Variants in TNRC6A observed in about 807,000 individuals in gnomAD.
The protein encoded by TNRC6A is trinucleotide repeat containing adaptor 6A.
TNRC6A carries 44 observed loss-of-function variants against 221.2 expected under a neutral mutation model. The observed-to-expected ratio is 0.20, with a 90% CI of 0.16 to 0.26. The LOEUF is 0.26. TNRC6A is among the 10% of genes least tolerant of loss of function. The pLI, the probability that TNRC6A is intolerant of heterozygous loss-of-function variation, is 1.00. For synonymous variants in TNRC6A, 847 were observed against 838.5 expected (o/e 1.01, Z -0.18); for missense variants, 2,199 against 2,404.4 (o/e 0.91, Z 1.79).
chr16:24,622,711 G>A (rs988337978), intron 1 of TNRC6A, among the ~76,000 whole-genome samples: 1 of 152,154 alleles, frequency 6.6e-6, no homozygotes, highest in Admixed American at 6.6e-5. Flanking sequence ...CAAACAGAAC[G>A]CTAGGAGAGA....
At chr16:24,694,266 C>T (rs904164018) in intron 2 of TNRC6A, among the ~76,000 whole-genome samples, 1 of 152,114 alleles carries the variant, frequency 6.6e-6, no homozygotes, top group Non-Finnish European at 1.5e-5. Flanking sequence ...GCCAGGCCCC[C>T]GTCTCCGACC....
Position 24,681,835 on chromosome 16 carries a change from T to C in TNRC6A, n.402+40826T>C, listed in dbSNP as rs2055539173. ...CCCCAGTACATTACTATTTTCACAC[T>C]ACCATAATTATTTCCTTGAGATAAA... On this transcript the variant is annotated intron_variant and non_coding_transcript_variant, in intron 2 of 2. Coordinates refer to the TNRC6A transcript ENST00000566108. Among the ~76,000 whole-genome samples, 3 of 152,220 alleles carry C rather than the reference T, an allele frequency of 2.0e-5. No homozygotes were observed. In the South Asian group the frequency reaches 6.2e-4, roughly 31 times the overall value.
rs111604204 is a variant in TNRC6A, at chr16:24,747,937, G to T, written c.54-2789G>T. Among the ~76,000 whole-genome samples, 15 of 152,280 alleles carry T rather than the reference G, an allele frequency of 9.9e-5. 1 individual carries two copies. The highest frequency in any genetic ancestry group is 2.6e-4 in the African/African-American group (11 of 41,558). On this transcript the variant is annotated intron_variant, in intron 2 of 24. Transcript: ENST00000395799. ...CATGGAGTAAAATTATAGTGACATA[G>T]AAGATCAGAAAAGGACATGTCTGTA... is the stretch of plus-strand genomic sequence containing the variant.
At chr16:24,636,340 T>C (rs1482446822) in intron 1 of TNRC6A, among the ~76,000 whole-genome samples, 1 of 151,876 alleles carries the variant, frequency 6.6e-6, no homozygotes, top group Non-Finnish European at 1.5e-5. Context: ...ATGTTAGATT[T>C]GTGATTTTAT....
At chr16:24,713,232 A>G (rs1376394123) in intron 2 of TNRC6A, among the ~76,000 whole-genome samples, 2 of 152,038 alleles carry the variant, frequency 1.3e-5, no homozygotes, top group East Asian at 3.8e-4. Flanking sequence ...AGCCTGGGTA[A>G]CATGGCAAAA....
rs1280061563 is a variant in TNRC6A, at chr16:24,824,887, AAAAAC to A, written c.*1085_*1089del. ...GAATTTTCTCTGCCAAAAAAAAAGA[AAAAAC>A]AAAAAAACGCTTAAAGCTGGAGTTT... On this transcript the variant is annotated 3_prime_UTR_variant, in exon 25 of 25. Coordinates refer to ENST00000395799, the MANE Select transcript of TNRC6A (RefSeq NM_014494.4). 1.3e-5 allele frequency: 2 copies of A among 152,572 alleles called. No individual in the cohort carries two copies. Among genetic ancestry groups the A allele is most frequent in the African/African-American group, 2.4e-5 (1 of 41,450 alleles). 9.5% of individuals were successfully genotyped at this position (152,572 alleles called of 1,614,324 possible).
intron 23 of TNRC6A, 69 bp from the exon 24 acceptor site, chr16:24,822,805 A>G: frequency 6.3e-7 from 1 of 1,596,566 alleles, no homozygotes; most frequent in Non-Finnish European, 8.5e-7. Flanking sequence ...GCAGCAGTGC[A>G]GCCTGAAACA....
At chr16:24,785,819 T>C (rs1055597622) in intron 5 of TNRC6A, among the ~76,000 whole-genome samples, 2 of 152,158 alleles carry the variant, frequency 1.3e-5, no homozygotes, top group African/African-American at 2.4e-5. Context: ...CGCACGCAAA[T>C]AGTGGCAGCA....
chr16:24,688,992 G>C (rs1329943426), intron 2 of TNRC6A, among the ~76,000 whole-genome samples: 1 of 152,128 alleles, frequency 6.6e-6, no homozygotes, highest in African/African-American at 2.4e-5. Context: ...CTTGAGCCCA[G>C]GAGTTCGGGG....
At chr16:24,765,556 A>G (rs2057455128) in intron 4 of TNRC6A, among the ~76,000 whole-genome samples, 1 of 152,276 alleles carries the variant, frequency 6.6e-6, no homozygotes, top group African/African-American at 2.4e-5. Flanking sequence ...TAAATGTGCT[A>G]CGGTGGTTTT....
rs2058070124 is a variant in TNRC6A at position 24,790,290 on chromosome 16, C to G, written c.1648C>G (p.Leu550Val). The part of the protein sequence containing the change: ...QANGDTVNAT[L>V]MQPGVNGPMG... ...TAATGGTGACACTGTGAATGCAACT[C>G]TAATGCAGCCTGGCGTAAATGGTCC... The change falls in exon 6 of 25, where the codon CTA becomes GTA. Residue 550 changes from leucine (L) to valine (V), a missense_variant. Coordinates refer to ENST00000395799, the MANE Select transcript of TNRC6A (RefSeq NM_014494.4). 3.1e-6 allele frequency: 5 copies of G among 1,614,216 alleles called. No individual in the cohort carries two copies. Among genetic ancestry groups the G allele is most frequent in the Middle Eastern group, 1.6e-4 (1 of 6,062 alleles).
chr16:24,771,116 A>G lies in TNRC6A; in HGVS notation c.164-5817A>G, dbSNP rs145779431. ...GTTAAACAGTGCCATGCTTCTCACT[A>G]ATTTTGTTATGGAAAATAGAACAAT... On this transcript the variant is annotated intron_variant, in intron 4 of 24. Coordinates refer to ENST00000395799, the MANE Select transcript of TNRC6A (RefSeq NM_014494.4). Among the ~76,000 whole-genome samples, 426 of 152,332 alleles carry G rather than the reference A, an allele frequency of 2.8e-3. 5 individuals are homozygous for G. Among genetic ancestry groups the G allele is most frequent in the African/African-American group, 9.9e-3 (413 of 41,582 alleles).
chr16:24,667,652 C>A (rs868476026), intron 2 of TNRC6A, among the ~76,000 whole-genome samples: 1 of 152,148 alleles, frequency 6.6e-6, no homozygotes, highest in Admixed American at 6.6e-5. Context: ...GTATTACCTA[C>A]CCCCCAGTTG....
chr16:24,678,451 C>T (rs1223522183), intron 2 of TNRC6A, among the ~76,000 whole-genome samples: 1 of 152,172 alleles, frequency 6.6e-6, no homozygotes, highest in Non-Finnish European at 1.5e-5. Flanking sequence ...TGTGAGCTGT[C>T]CCATGGAAAG....
In TNRC6A at chr16:24,823,915, C is replaced by T; in HGVS notation, c.*108C>T. 8.5e-7 allele frequency: 1 copy of T among 1,172,878 alleles called. No homozygotes were observed. The highest frequency in any genetic ancestry group is 1.1e-6 in the Non-Finnish European group (1 of 886,738). The allele number at this position is 1,172,878 out of a possible 1,614,324, so 72.7% of individuals were successfully genotyped here. On this transcript the variant is annotated 3_prime_UTR_variant, in exon 25 of 25. Transcript: ENST00000395799. The surrounding 1 kb of genome is among the most constrained non-coding windows in gnomAD (Gnocchi z 4.3). ...GGCCGCCTGTGGGAACAGCTATTCT[C>T]TGCACATTTTCCACTTTGTTTTCCC...
chr16:24,619,765 T>C (rs1481852096), intron 1 of TNRC6A, among the ~76,000 whole-genome samples: 1 of 151,956 alleles, frequency 6.6e-6, no homozygotes, highest in Non-Finnish European at 1.5e-5. Context: ...GGAGGAAAGG[T>C]CAGTTGTACA....
At chr16:24,730,027 G>T (rs2056586136) in intron 1 of TNRC6A, among the ~76,000 whole-genome samples, 181 bp downstream of exon 1, 1 of 147,738 alleles carries the variant, frequency 6.8e-6, no homozygotes, top group Non-Finnish European at 1.5e-5. Flanking sequence ...GGGGAGCCTC[G>T]CTGCGCCGCG....
At chr16:24,778,583 G>T in intron 5 of TNRC6A, 1 of 759,336 alleles carries the variant, frequency 1.3e-6, no homozygotes. Flanking sequence ...TGTGAGCTTG[G>T]CCATAACACA....
At chr16:24,782,062 T>C (rs1376477920) in intron 5 of TNRC6A, among the ~76,000 whole-genome samples, 3 of 152,178 alleles carry the variant, frequency 2.0e-5, no homozygotes, top group Non-Finnish European at 2.9e-5. Flanking sequence ...GACCTTGTGA[T>C]CTGCCCGCCT....
Sources: allele counts gnomAD v4.1 joint callset (sites outside exome capture counted in the v4.1 genomes callset), GRCh38; gene constraint gnomAD v4.1.1; non-coding constraint Gnocchi (gnomAD v3.1); transcripts MANE v1.5; gene names NCBI Gene and HGNC (gene_info 2026-07-23, HGNC 2026-07-21).